Variants in PCDH11X observed in about 807,000 individuals in gnomAD.
PCDH11X encodes protocadherin-11 X-linked.
In PCDH11X, 18 loss-of-function variants were observed where a neutral mutation model predicts 53.3. That is an observed-to-expected ratio of 0.34 (90% CI 0.23 to 0.50). PCDH11X has a LOEUF of 0.50. Ranked by LOEUF, PCDH11X falls within the 20% of genes least tolerant of loss-of-function variation. PCDH11X has a pLI of 0.98. For missense variants in PCDH11X, 570 were observed against 1,032.4 expected, an observed-to-expected ratio of 0.55 and a Z score of 6.14; for synonymous variants, 279 against 393.3, an observed-to-expected ratio of 0.71 and a Z score of 3.44.
chrX:92,471,930 AT>A (rs1265264378), intron 10 of PCDH11X, among the ~76,000 whole-genome samples: 1 of 109,685 alleles, frequency 9.1e-6, no homozygotes, highest in Non-Finnish European at 1.9e-5. Flanking sequence ...CTGCTCATGT[AT>A]TTTGTCACTT....
At chrX:92,526,103 C>T (rs1397947493) in intron 10 of PCDH11X, among the ~76,000 whole-genome samples, 6 of 111,277 alleles carry the variant, frequency 5.4e-5, no homozygotes, top group Non-Finnish European at 1.1e-4. Flanking sequence ...TAATTCATCA[C>T]GGGAGATGTA....
intron 5 of PCDH11X, among the ~76,000 whole-genome samples, chrX:91,850,912 T>C (rs1289566032): frequency 1.8e-5 from 2 of 111,689 alleles, no homozygotes; most frequent in Admixed American, 1.9e-4. Context: ...GAAGCATTTA[T>C]TGTATAACCC....
chrX:92,321,342 G>GC (rs1485322174), intron 8 of PCDH11X, among the ~76,000 whole-genome samples: 1 of 108,394 alleles, frequency 9.2e-6, no homozygotes, highest in Non-Finnish European at 1.9e-5. Context: ...ACAGGCGCCT[G>GC]CCACCATGCC....
chrX:91,822,410 T>G (rs1460657325), intron 4 of PCDH11X, among the ~76,000 whole-genome samples: 1 of 109,888 alleles, frequency 9.1e-6, no homozygotes, highest in African/African-American at 3.3e-5. Flanking sequence ...TGGGAGAGTG[T>G]ATGTGTCAAG....
At chrX:92,372,739 A>G (rs1328061371) in intron 8 of PCDH11X, among the ~76,000 whole-genome samples, 1 of 110,631 alleles carries the variant, frequency 9.0e-6, no homozygotes, top group Non-Finnish European at 1.9e-5. Context: ...TTGTTACATT[A>G]TATTTGTCTA....
At chrX:92,262,686 C>A (rs1352754667) in intron 7 of PCDH11X, among the ~76,000 whole-genome samples, 1 of 111,106 alleles carries the variant, frequency 9.0e-6, no homozygotes, top group African/African-American at 3.3e-5. Context: ...TTCAATGAGC[C>A]TAGTTTTTCT....
intron 10 of PCDH11X, among the ~76,000 whole-genome samples, chrX:92,544,102 A>G (rs909380523): frequency 2.2e-4 from 24 of 109,483 alleles, no homozygotes; most frequent in Non-Finnish European, 4.0e-4. Flanking sequence ...CTTTCACACC[A>G]TGGACTAATT....
At chrX:92,453,793 T>G (rs1326003532) in intron 9 of PCDH11X, among the ~76,000 whole-genome samples, 1 of 111,343 alleles carries the variant, frequency 9.0e-6, no homozygotes, top group Non-Finnish European at 1.9e-5. Flanking sequence ...ATTGCAGGTA[T>G]TTGCGAATCA....
At chrX:92,460,242 T>C in intron 9 of PCDH11X, 1 of 883,117 alleles carries the variant, frequency 1.1e-6, no homozygotes, top group Non-Finnish European at 1.7e-6. Flanking sequence ...ATGACACCAA[T>C]GTCACTTGAC....
chrX:92,512,178 C>T (rs750909733), intron 10 of PCDH11X, among the ~76,000 whole-genome samples: 115 of 108,785 alleles, frequency 1.1e-3, no homozygotes, highest in African/African-American at 3.7e-3. Context: ...TAGTCTCTTT[C>T]TCTAAGGCAC....
At chrX:92,290,683 T>C (rs1022041368) in intron 8 of PCDH11X, among the ~76,000 whole-genome samples, 1 of 108,781 alleles carries the variant, frequency 9.2e-6, no homozygotes, top group African/African-American at 3.3e-5. Flanking sequence ...TCAAACTAGA[T>C]AAATAAACCT....
chrX:92,257,413 C>A (rs979305895), intron 7 of PCDH11X, among the ~76,000 whole-genome samples: 6 of 111,443 alleles, frequency 5.4e-5, no homozygotes, highest in African/African-American at 2.0e-4. Context: ...AAAATAAAAT[C>A]ATGCTTCCCA....
At chrX:92,516,315 C>A in intron 10 of PCDH11X, among the ~76,000 whole-genome samples, 1 of 111,472 alleles carries the variant, frequency 9.0e-6, no homozygotes, top group Non-Finnish European at 1.9e-5. Context: ...AAACAAAAGT[C>A]TTGATATGAT....
At chrX:92,249,821 G>A (rs2067423450) in intron 7 of PCDH11X, among the ~76,000 whole-genome samples, 1 of 111,374 alleles carries the variant, frequency 9.0e-6, no homozygotes, top group Admixed American at 9.6e-5. Flanking sequence ...CCAATTCCAA[G>A]ATGCAGGATT....
chrX:91,804,386 TAATTAGATTAA>T (rs1936030009), intron 1 of PCDH11X, among the ~76,000 whole-genome samples: 1 of 106,358 alleles, frequency 9.4e-6, no homozygotes, highest in Non-Finnish European at 1.9e-5. Flanking sequence ...AAAATATAAT[TAATTAGATTAA>T]AATTTTAACT....
At chrX:92,060,371 G>A (rs751001885) in intron 6 of PCDH11X, among the ~76,000 whole-genome samples, 3 of 97,621 alleles carry the variant, frequency 3.1e-5, no homozygotes, top group Admixed American at 1.2e-4. Flanking sequence ...ACAGGTGCAG[G>A]TTTGTTATAA....
intron 8 of PCDH11X, among the ~76,000 whole-genome samples, chrX:92,381,637 T>C (rs1474954189): frequency 8.9e-6 from 1 of 112,090 alleles, no homozygotes; most frequent in Non-Finnish European, 1.9e-5. Flanking sequence ...CCTCTTTCGT[T>C]GTATGCTACA....
chrX:92,150,588 C>A (rs2065415371), intron 6 of PCDH11X, among the ~76,000 whole-genome samples: 1 of 110,097 alleles, frequency 9.1e-6, no homozygotes, highest in South Asian at 3.8e-4. Context: ...AGGTCCTTTG[C>A]ATTTCAATAA....
chrX:91,950,544 G>A (rs1201873334), intron 6 of PCDH11X, among the ~76,000 whole-genome samples: 1 of 91,432 alleles, frequency 1.1e-5, no homozygotes, highest in Non-Finnish European at 2.2e-5. Context: ...TATCAATGTG[G>A]TATATATATA....
Sources: gnomAD v4.1 joint callset for allele counts (sites outside exome capture counted in the v4.1 genomes callset) on GRCh38, gnomAD v4.1.1 for gene constraint, MANE v1.5 for transcripts, NCBI Gene and HGNC (gene_info 2026-07-23, HGNC 2026-07-21) for gene names.